The following TSPEAR variants were observed in gnomAD, a reference collection of about 807,000 sequenced individuals.
TSPEAR encodes the protein thrombospondin-type laminin G domain and EAR repeat-containing protein.
In TSPEAR, 69 loss-of-function variants were observed where a neutral mutation model predicts 71.6. That is an observed-to-expected ratio of 0.96 (90% CI 0.79 to 1.18). The LOEUF is 1.18. Ranked by LOEUF, TSPEAR falls within the 50% of genes most tolerant of loss-of-function variation. The probability of loss-of-function intolerance (pLI) is 0.00; values close to 1 mark genes in which losing one functional copy is unlikely to be tolerated. For missense variants in TSPEAR, 971 were observed against 894.9 expected, an observed-to-expected ratio of 1.09 and a Z score of -1.09; for synonymous variants, 402 against 387.2, an observed-to-expected ratio of 1.04 and a Z score of -0.45.
intron 1 of TSPEAR, chr21:44,698,038 G>C: frequency 7.0e-7 from 1 of 1,427,426 alleles, no homozygotes; most frequent in South Asian, 1.3e-5. Context: ...TGGCCCCTCG[G>C]CTGCTCTGGT....
rs1162024012 is a variant in TSPEAR, at chr21:44,510,269, C to T, written c.1567-883G>A. ...CCCACAGGCCGGGGATCCCTGCGCA[C>T]GGTCCCAGGCTGTCCTAGCTGAGGA... On this transcript the variant is annotated intron_variant, in intron 9 of 11. Transcript: ENST00000323084. Among the ~76,000 whole-genome samples, 16 of 152,330 alleles carry T rather than the reference C, an allele frequency of 1.1e-4. No homozygotes were observed. In the South Asian group the frequency reaches 2.9e-3, roughly 28 times the overall value.
At chr21:44,672,081 A>G (rs907787586) in intron 1 of TSPEAR, among the ~76,000 whole-genome samples, 2 of 152,152 alleles carry the variant, frequency 1.3e-5, no homozygotes, top group East Asian at 3.9e-4. Context: ...GAGAGCTTCA[A>G]CAATATACCA....
intron 1 of TSPEAR, chr21:44,600,933 C>G (rs1439483247): frequency 2.5e-6 from 4 of 1,611,398 alleles, no homozygotes; most frequent in Non-Finnish European, 3.4e-6. Flanking sequence ...CCTCCTCCCC[C>G]TGCCAGCAGG....
rs868969922 is a variant in TSPEAR, at chr21:44,579,901, G to A, written c.83-11896C>T. On this transcript the variant is annotated intron_variant, in intron 1 of 11. Coordinates refer to ENST00000323084, the MANE Select transcript of TSPEAR (RefSeq NM_144991.3). ...GGCAGCAGGCGGGCCTGCATATGGG[G>A]CGGCAGAGGAGGGACACGGAGGAGG... The A allele has an allele frequency of 1.2e-5, 19 of 1,613,368 alleles. No individual in the cohort carries two copies. In the African/African-American group the frequency reaches 1.9e-4, roughly 16 times the overall value.
At chr21:44,602,868 T>C (rs1425393546) in intron 1 of TSPEAR, among the ~76,000 whole-genome samples, 2 of 152,212 alleles carry the variant, frequency 1.3e-5, no homozygotes, top group East Asian at 1.9e-4. Flanking sequence ...TTTTGCTCAG[T>C]GTCCTCCCTG....
chr21:44,690,775 TG>T (rs1987091446), intron 1 of TSPEAR, among the ~76,000 whole-genome samples: 1 of 152,214 alleles, frequency 6.6e-6, no homozygotes, highest in Admixed American at 6.5e-5. Flanking sequence ...TCTACATTTT[TG>T]TTTGTCTGTT....
intron 7 of TSPEAR, 74 bp from the exon 8 acceptor site, chr21:44,525,913 G>T: frequency 1.4e-6 from 2 of 1,443,016 alleles, no homozygotes; most frequent in South Asian, 1.2e-5. Context: ...GAAGGCTTCT[G>T]AACATCAGCA....
chr21:44,702,056 G>A (rs1250833210), intron 1 of TSPEAR, among the ~76,000 whole-genome samples: 1 of 152,212 alleles, frequency 6.6e-6, no homozygotes, highest in African/African-American at 2.4e-5. Context: ...TAGCCAGAGA[G>A]ACCCTAAGTG....
chr21:44,637,891 G>A (rs1983745558), intron 1 of TSPEAR: 1 of 1,535,488 alleles, frequency 6.5e-7, no homozygotes, highest in Non-Finnish European at 8.9e-7. Context: ...TCTGCTATGT[G>A]CCTGTGTGCT....
chr21:44,565,378 C>A (rs1315725352), intron 2 of TSPEAR, among the ~76,000 whole-genome samples: 2 of 152,106 alleles, frequency 1.3e-5, no homozygotes, highest in African/African-American at 4.8e-5. Context: ...TAGTATTAGT[C>A]TCATACCATA....
chr21:44,502,805 C>CG (rs782247002), intron 11 of TSPEAR, among the ~76,000 whole-genome samples: 22 of 152,012 alleles, frequency 1.4e-4, no homozygotes, highest in Non-Finnish European at 2.9e-4. Flanking sequence ...GGTGAGCCCC[C>CG]GGGGGGAAGC....
In TSPEAR at chr21:44,695,880, G is replaced by A. The variant is rs1407512947; in HGVS notation, c.82+15553C>T. 6.6e-6 allele frequency among the ~76,000 whole-genome samples: 1 copy of A among 152,108 alleles called. No homozygotes were observed. The highest frequency in any genetic ancestry group is 2.4e-5 in the African/African-American group (1 of 41,402). On this transcript the variant is annotated intron_variant, in intron 1 of 11. Transcript: ENST00000323084. The surrounding 1 kb of genome is among the most constrained non-coding windows in gnomAD (Gnocchi z 4.5). ...ACACACCTCGAGCCCTCACCTGCTGGTCACTGCCTGTGGGCCTGAAGCCCT... is the reference window on the plus strand; with the variant it reads ...ACACACCTCGAGCCCTCACCTGCTGATCACTGCCTGTGGGCCTGAAGCCCT...
intron 1 of TSPEAR, chr21:44,654,559 C>T (rs376121988): frequency 3.1e-6 from 5 of 1,607,858 alleles, no homozygotes; most frequent in Non-Finnish European, 4.2e-6. Flanking sequence ...GGGGACACAG[C>T]ACGGGGAGCC....
intron 1 of TSPEAR, among the ~76,000 whole-genome samples, chr21:44,621,616 C>G (rs1555933503): frequency 1.3e-5 from 2 of 152,222 alleles, no homozygotes. Context: ...GAAGCCAATA[C>G]TTCAGGCCCC....
chr21:44,625,778 G>A (rs377264019), intron 1 of TSPEAR, among the ~76,000 whole-genome samples: 15 of 150,678 alleles, frequency 1.0e-4, no homozygotes, highest in East Asian at 3.9e-4. Context: ...CCTTCTCTCC[G>A]GCTGCTCCAG....
chr21:44,692,984 C>T (rs1462469550), intron 1 of TSPEAR, among the ~76,000 whole-genome samples: 2 of 152,144 alleles, frequency 1.3e-5, no homozygotes, highest in Admixed American at 1.3e-4. Flanking sequence ...GTAATCAAAA[C>T]AGTGTGGTAC....
intron 1 of TSPEAR, among the ~76,000 whole-genome samples, chr21:44,682,658 C>A (rs1382205733): frequency 2.6e-5 from 4 of 152,236 alleles, no homozygotes; most frequent in African/African-American, 9.6e-5. Flanking sequence ...AGCCGTCAAC[C>A]AGCAGTGCAG....
chr21:44,541,538 A>G (rs1231830099), intron 2 of TSPEAR, among the ~76,000 whole-genome samples: 1 of 152,224 alleles, frequency 6.6e-6, no homozygotes, highest in African/African-American at 2.4e-5. Flanking sequence ...AGTGAGTCCA[A>G]TATTCCTTGT....
intron 1 of TSPEAR, among the ~76,000 whole-genome samples, chr21:44,589,251 C>T (rs781890645): frequency 6.6e-6 from 1 of 152,232 alleles, no homozygotes; most frequent in Non-Finnish European, 1.5e-5. Context: ...CATGTTGTAG[C>T]CTGTGTCAGT....
Sources: allele counts gnomAD v4.1 joint callset (sites outside exome capture counted in the v4.1 genomes callset), GRCh38; gene constraint gnomAD v4.1.1; non-coding constraint Gnocchi (gnomAD v3.1); transcripts MANE v1.5; gene names NCBI Gene and HGNC (gene_info 2026-07-23, HGNC 2026-07-21).